PLEKHM3: variants seen among roughly 807,000 people sequenced by gnomAD.
The protein encoded by PLEKHM3 is pleckstrin homology domain-containing family M member 3.
PLEKHM3 carries 45 observed loss-of-function variants against 81.8 expected under a neutral mutation model. The ratio of observed to expected loss-of-function variants is 0.55; its 90% CI spans 0.43 to 0.71. The LOEUF is 0.71. PLEKHM3 is among the 30% of genes least tolerant of loss of function. PLEKHM3 has a pLI of 0.00. For missense variants in PLEKHM3, 788 were observed against 924.3 expected, an observed-to-expected ratio of 0.85 and a Z score of 1.91; for synonymous variants, 352 against 356.4, an observed-to-expected ratio of 0.99 and a Z score of 0.14.
chr2:207,871,638 G>T (rs2092535229), intron 6 of PLEKHM3, among the ~76,000 whole-genome samples: 1 of 152,112 alleles, frequency 6.6e-6, no homozygotes, highest in East Asian at 1.9e-4. Flanking sequence ...ATGGGATGGG[G>T]TCTACTTCAG....
chr2:207,942,801 G>C (rs891336056), intron 4 of PLEKHM3, among the ~76,000 whole-genome samples: 2 of 152,198 alleles, frequency 1.3e-5, no homozygotes, highest in African/African-American at 4.8e-5. Context: ...TCAGGAGGCT[G>C]AGGCATGAGA....
At position 207,975,899 on chromosome 2, in the gene PLEKHM3, A is replaced by ATTT. The variant is rs3057251; in HGVS notation, c.1546+749_1546+751dup. On this transcript the variant is annotated intron_variant, in intron 3 of 7. Transcript: ENST00000427836. ...GGTGTGAGCCACTGCACCTGGCACA[A>ATTT]TTTTTTTTTTTTTTTTTGGTAATTT... Among the ~76,000 whole-genome samples the ATTT allele has an allele frequency of 4.3e-3, 609 of 140,072 alleles. 5 individuals are homozygous for ATTT. The highest frequency in any genetic ancestry group is 0.014 in the African/African-American group (541 of 38,258). The allele number at this position is 140,072 out of a possible 152,430, so 91.9% of individuals were successfully genotyped here. A position where few individuals can be genotyped will look rare whatever the true frequency, so the allele number is the denominator to read the frequency against.
rs1274337906 is a variant in PLEKHM3, at chr2:207,931,015, G to A, written c.1797C>T (p.Ala599=). ...AMLYHHAEPL[A]AVLRLRQRLK... The stretch of plus-strand genomic sequence containing the variant: ...GCCGCTGCCGCAGCCGCAGCACGGC[G>A]GCCAGCGGCTCTGCGTGGTGGTACA... Residue 599 remains alanine, a synonymous_variant, in exon 5 of 8, where the codon GCC becomes GCT. Transcript: ENST00000427836. The A allele has an allele frequency of 1.2e-6, 2 of 1,614,018 alleles. No individual in the cohort carries two copies. The highest frequency in any genetic ancestry group is 1.3e-5 in the African/African-American group (1 of 75,056).
intron 7 of PLEKHM3, among the ~76,000 whole-genome samples, chr2:207,859,358 G>A (rs1435869883): frequency 2.0e-5 from 3 of 151,620 alleles, no homozygotes; most frequent in Non-Finnish European, 2.9e-5. Flanking sequence ...GGGTGGTCTC[G>A]AACTCCCAAT....
At chr2:208,017,554 C>CA (rs1186064183) in intron 1 of PLEKHM3, among the ~76,000 whole-genome samples, 1 of 152,116 alleles carries the variant, frequency 6.6e-6, no homozygotes. Flanking sequence ...TATCTCTTCT[C>CA]AAAAAAGTAA....
intron 3 of PLEKHM3, among the ~76,000 whole-genome samples, chr2:207,951,775 T>C (rs973526945): frequency 6.6e-6 from 1 of 152,220 alleles, no homozygotes; most frequent in Non-Finnish European, 1.5e-5. Context: ...TTCTAACAAG[T>C]GTACCTAGTT....
chr2:207,844,055 C>T (rs1394640740), intron 7 of PLEKHM3, among the ~76,000 whole-genome samples: 2 of 151,686 alleles, frequency 1.3e-5, no homozygotes, highest in Non-Finnish European at 2.9e-5. Flanking sequence ...TGCACTCAAG[C>T]ATGGGCAGCA....
intron 1 of PLEKHM3, among the ~76,000 whole-genome samples, chr2:208,011,064 C>CAAAAAAA (rs10587149): frequency 6.6e-3 from 418 of 63,334 alleles, no homozygotes; most frequent in Non-Finnish European, 0.012. Flanking sequence ...TGGCCATAAT[C>CAAAAAAA]AAAAAAAAAA....
At chr2:207,890,799 T>A (rs1400865744) in intron 6 of PLEKHM3, among the ~76,000 whole-genome samples, 1 of 152,196 alleles carries the variant, frequency 6.6e-6, no homozygotes, top group Non-Finnish European at 1.5e-5. Context: ...ATTAGGCCAT[T>A]GTCACTTAGC....
At chr2:207,909,714 C>T (rs1042094686) in intron 5 of PLEKHM3, among the ~76,000 whole-genome samples, 1 of 152,124 alleles carries the variant, frequency 6.6e-6, no homozygotes, top group Admixed American at 6.5e-5. Flanking sequence ...AGGGTATATG[C>T]CTGGGTAGAG....
intron 5 of PLEKHM3, chr2:207,929,860 C>G: frequency 4.3e-6 from 3 of 690,762 alleles, no homozygotes; most frequent in Non-Finnish European, 7.9e-6. Flanking sequence ...TCCATCACTT[C>G]AATACTTTCC....
At chr2:208,016,668 A>AAACACACACACACACAC (rs1553568085) in intron 1 of PLEKHM3, among the ~76,000 whole-genome samples, 52 of 61,566 alleles carry the variant, frequency 8.4e-4, no homozygotes, top group Non-Finnish European at 1.5e-3. Context: ...AAAAAAAAAA[A>AAACACACACACACACAC]ATACACACAC....
chr2:207,895,468 T>C (rs1688193801), intron 6 of PLEKHM3, among the ~76,000 whole-genome samples: 1 of 152,248 alleles, frequency 6.6e-6, no homozygotes, highest in Non-Finnish European at 1.5e-5. Flanking sequence ...GCCTACTTTC[T>C]CTCTGTGCCC....
At chr2:207,838,442 G>C (rs944465099) in intron 7 of PLEKHM3, among the ~76,000 whole-genome samples, 4 of 152,142 alleles carry the variant, frequency 2.6e-5, no homozygotes, top group African/African-American at 9.7e-5. Context: ...CTTAAATCTT[G>C]GCTTTAAAAT....
At chr2:207,887,621 A>G (rs1687920869) in intron 6 of PLEKHM3, among the ~76,000 whole-genome samples, 1 of 152,250 alleles carries the variant, frequency 6.6e-6, no homozygotes, top group Non-Finnish European at 1.5e-5. Flanking sequence ...TCATCAGTAA[A>G]CAATCAAATA....
At chr2:207,904,823 C>G (rs556101665) in intron 6 of PLEKHM3, among the ~76,000 whole-genome samples, 2 of 152,286 alleles carry the variant, frequency 1.3e-5, no homozygotes, top group African/African-American at 4.8e-5. Context: ...TAAATTGAGT[C>G]TATCTGCTAA....
At chr2:207,850,415 T>C (rs994358571) in intron 7 of PLEKHM3, among the ~76,000 whole-genome samples, 1 of 152,202 alleles carries the variant, frequency 6.6e-6, no homozygotes, top group Admixed American at 6.5e-5. Context: ...GTGAAAAACC[T>C]AGGAGGATGA....
At chr2:207,884,240 G>A (rs1687813251) in intron 6 of PLEKHM3, among the ~76,000 whole-genome samples, 1 of 147,314 alleles carries the variant, frequency 6.8e-6, no homozygotes, top group South Asian at 2.1e-4. Flanking sequence ...CACACTTAAT[G>A]GTGAAAGACT....
At chr2:207,853,676 G>C (rs1330263352) in intron 7 of PLEKHM3, among the ~76,000 whole-genome samples, 1 of 152,132 alleles carries the variant, frequency 6.6e-6, no homozygotes, top group Non-Finnish European at 1.5e-5. Context: ...GGAGGTTGCA[G>C]TGAGCCGAGA....
Sources: gnomAD v4.1 joint callset for allele counts (sites outside exome capture counted in the v4.1 genomes callset) on GRCh38, gnomAD v4.1.1 for gene constraint, MANE v1.5 for transcripts, NCBI Gene and HGNC (gene_info 2026-07-23, HGNC 2026-07-21) for gene names.